Variants in TACR3 observed in about 807,000 individuals in gnomAD.
The protein encoded by TACR3 is neuromedin-K receptor.
In TACR3, 34 loss-of-function variants were observed where a neutral mutation model predicts 35.0. That is an observed-to-expected ratio of 0.97 (90% CI 0.74 to 1.30). The LOEUF is 1.30. TACR3 is among the 50% of genes most tolerant of loss of function. The probability of loss-of-function intolerance (pLI) is 0.00; values close to 1 mark genes in which losing one functional copy is unlikely to be tolerated. For missense variants in TACR3, 558 were observed against 591.7 expected (o/e 0.94, Z 0.59); for synonymous variants, 233 against 221.1 (o/e 1.05, Z -0.48).
At chr4:103,672,409 T>C (rs1726076301) in intron 1 of TACR3, among the ~76,000 whole-genome samples, 1 of 152,184 alleles carries the variant, frequency 6.6e-6, no homozygotes, top group Non-Finnish European at 1.5e-5. Flanking sequence ...GGCTGCAGAA[T>C]GAATGTTGTG....
At chr4:103,607,325 T>C (rs1724399087) in intron 3 of TACR3, among the ~76,000 whole-genome samples, 1 of 152,148 alleles carries the variant, frequency 6.6e-6, no homozygotes, top group Non-Finnish European at 1.5e-5. Flanking sequence ...AGGTATCTTT[T>C]GACTTTTGAA....
intron 3 of TACR3, among the ~76,000 whole-genome samples, chr4:103,610,205 T>C (rs1210123241): frequency 6.6e-6 from 1 of 152,102 alleles, no homozygotes; most frequent in African/African-American, 2.4e-5. Flanking sequence ...TTATTATCCA[T>C]AAAGGCTGTA....
intron 1 of TACR3, among the ~76,000 whole-genome samples, chr4:103,687,683 C>T (rs112539917): frequency 0.043 from 6,551 of 152,206 alleles, 170 homozygotes; most frequent in Non-Finnish European, 0.05. Flanking sequence ...AGGAATCCAC[C>T]TTATAAGGGA....
intron 1 of TACR3, among the ~76,000 whole-genome samples, chr4:103,673,508 C>T (rs1726095970): frequency 6.6e-6 from 1 of 152,126 alleles, no homozygotes; most frequent in Non-Finnish European, 1.5e-5. Flanking sequence ...TGATGAACTT[C>T]ACTTTCTTAC....
chr4:103,661,152 G>T (rs539291672), intron 1 of TACR3, among the ~76,000 whole-genome samples: 19 of 152,012 alleles, frequency 1.2e-4, no homozygotes, highest in South Asian at 1.2e-3. Context: ...TCTCCTCCAT[G>T]ATATATATGT....
intron 1 of TACR3, among the ~76,000 whole-genome samples, chr4:103,701,149 C>A (rs539229416): frequency 6.6e-6 from 1 of 152,082 alleles, no homozygotes; most frequent in South Asian, 2.1e-4. Context: ...TCTAGAAAAC[C>A]CCATTGTCTC....
chr4:103,658,499 C>G, intron 1 of TACR3, 96 bp from the exon 2 acceptor site: 1 of 1,176,322 alleles, frequency 8.5e-7, no homozygotes, highest in Non-Finnish European at 1.2e-6. Context: ...TCAATAGTTA[C>G]AGTCATTGCT....
chr4:103,698,541 C>CT lies in TACR3; in HGVS notation c.548+20586dup, dbSNP rs780585285. Among the ~76,000 whole-genome samples the CT allele has an allele frequency of 2.4e-4, 36 of 151,192 alleles. No individual in the cohort carries two copies. In the East Asian group the frequency reaches 2.9e-3, roughly 12 times the overall value. On this transcript the variant is annotated intron_variant, in intron 1 of 4. Coordinates refer to ENST00000304883, the MANE Select transcript of TACR3 (RefSeq NM_001059.3). The stretch of plus-strand genomic sequence containing the variant: ...AATTTATCAGAGGATATTTTCTTTT[C>CT]TTTTTTTTCTTTTTTTGGTAAAATA...
At chr4:103,620,200 A>C (rs1724744189) in intron 3 of TACR3, among the ~76,000 whole-genome samples, 1 of 152,234 alleles carries the variant, frequency 6.6e-6, no homozygotes, top group African/African-American at 2.4e-5. Context: ...ATGAGATATC[A>C]TCTTACACCA....
intron 1 of TACR3, among the ~76,000 whole-genome samples, chr4:103,704,903 C>T (rs1722749986): frequency 6.6e-6 from 1 of 152,004 alleles, no homozygotes; most frequent in South Asian, 2.1e-4. Context: ...TTAACGTTAC[C>T]ATATTTATAC....
rs61057068 is a variant in TACR3, at chr4:103,672,343, A to G, written c.549-13940T>C. ...ATCACTATGGCAGCTATTGCCTTAC[A>G]AAATAAATTTCTGAAATAATAAGAC... On this transcript the variant is annotated intron_variant, in intron 1 of 4. Transcript: ENST00000304883. 6.0e-3 allele frequency among the ~76,000 whole-genome samples: 907 copies of G among 152,272 alleles called. 7 individuals are homozygous for G. The highest frequency in any genetic ancestry group is 0.015 in the East Asian group (77 of 5,188).
At chr4:103,619,213 G>A (rs1020526815) in intron 3 of TACR3, among the ~76,000 whole-genome samples, 6 of 150,946 alleles carry the variant, frequency 4.0e-5, no homozygotes, top group East Asian at 1.9e-4. Context: ...TTTTTTTGAC[G>A]GAGTCTCACT....
At chr4:103,600,116 A>G (rs1287602089) in intron 3 of TACR3, among the ~76,000 whole-genome samples, 2 of 152,232 alleles carry the variant, frequency 1.3e-5, no homozygotes, top group Non-Finnish European at 2.9e-5. Context: ...GCTATTGATT[A>G]TTACCTCAAT....
intron 3 of TACR3, among the ~76,000 whole-genome samples, chr4:103,599,457 G>C (rs1200959372): frequency 6.6e-6 from 1 of 152,138 alleles, no homozygotes; most frequent in African/African-American, 2.4e-5. Flanking sequence ...CCCTTCTCCT[G>C]TCTGATTGCC....
chr4:103,638,079 G>GA (rs1366034046), intron 3 of TACR3, among the ~76,000 whole-genome samples: 1 of 152,082 alleles, frequency 6.6e-6, no homozygotes, highest in African/African-American at 2.4e-5. Context: ...CACAGAATTG[G>GA]AAAAAACTAC....
chr4:103,700,351 C>G (rs1722621951), intron 1 of TACR3, among the ~76,000 whole-genome samples: 1 of 152,154 alleles, frequency 6.6e-6, no homozygotes. Flanking sequence ...CATACTTTCC[C>G]TTACTTACAG....
chr4:103,645,863 A>T (rs1021283076), intron 3 of TACR3, among the ~76,000 whole-genome samples: 2 of 151,944 alleles, frequency 1.3e-5, no homozygotes, highest in African/African-American at 4.8e-5. Context: ...GAGCATAATA[A>T]AGTTAAATAT....
In TACR3 at chr4:103,719,758, C is replaced by G. The variant is rs199903372; in HGVS notation, c.-83G>C. 6.4e-7 allele frequency: 1 copy of G among 1,554,358 alleles called. No homozygotes were observed. Among genetic ancestry groups the G allele is most frequent in the Middle Eastern group, 1.7e-4 (1 of 5,968 alleles). The stretch of plus-strand genomic sequence containing the variant: ...ACTCCTCTGAAGTTCTTCTCTGCCT[C>G]CTGGTCACTTTGGTGCCGGAGTCTT... On this transcript the variant is annotated 5_prime_UTR_variant, in exon 1 of 5. Coordinates refer to ENST00000304883, the MANE Select transcript of TACR3 (RefSeq NM_001059.3).
Position 103,640,635 on chromosome 4 carries a change from G to A in TACR3, c.888+15559C>T, listed in dbSNP as rs868532491. ...CCATTCATTGTATCTTTACTCTATT[G>A]CAAGCTTGTCCAACCCGTGGCCCAC... is the stretch of plus-strand genomic sequence containing the variant. On this transcript the variant is annotated intron_variant, in intron 3 of 4. Coordinates refer to ENST00000304883, the MANE Select transcript of TACR3 (RefSeq NM_001059.3). Among the ~76,000 whole-genome samples, 4 of 151,788 alleles carry A rather than the reference G, an allele frequency of 2.6e-5. 1 individual carries two copies. Among genetic ancestry groups the A allele is most frequent in the African/African-American group, 9.7e-5 (4 of 41,302 alleles).
Sources: allele counts gnomAD v4.1 joint callset (sites outside exome capture counted in the v4.1 genomes callset), GRCh38; gene constraint gnomAD v4.1.1; transcripts MANE v1.5; gene names NCBI Gene and HGNC (gene_info 2026-07-23, HGNC 2026-07-21).